Variants in CNTN4 observed in about 807,000 individuals in gnomAD.
CNTN4 encodes the protein contactin 4, also known as contactin-4.
Under a neutral mutation model 122.5 loss-of-function variants are expected in CNTN4, and 77 were observed. The observed-to-expected ratio is 0.63, with a 90% CI of 0.52 to 0.76. CNTN4 has a LOEUF of 0.76. Among genes scored for constraint, CNTN4 ranks in the 30% least tolerant of loss-of-function variants. The probability of loss-of-function intolerance (pLI) is 0.00; values close to 1 mark genes in which losing one functional copy is unlikely to be tolerated. For missense variants in CNTN4, 1,256 were observed against 1,259.1 expected, an observed-to-expected ratio of 1.00 and a Z score of 0.04; for synonymous variants, 512 against 447.0, an observed-to-expected ratio of 1.15 and a Z score of -1.83.
intron 4 of CNTN4, among the ~76,000 whole-genome samples, chr3:2,589,881 G>A (rs1559276479): frequency 6.6e-6 from 1 of 152,180 alleles, no homozygotes; most frequent in African/African-American, 2.4e-5. Flanking sequence ...AGATGATCCA[G>A]AGAGAAAGCA....
chr3:2,834,898 C>CTTTTTTTTTTTTTTCTTT lies in CNTN4; in HGVS notation c.454+15331_454+15332insCTTTTTTTTTTTTTTTTT, dbSNP rs60033461. On this transcript the variant is annotated intron_variant, in intron 7 of 24. Coordinates refer to ENST00000418658, the MANE Select transcript of CNTN4 (RefSeq NM_175607.3). Reference sequence around the variant, plus strand: ...AAGCATTAAATTAGATAAAGGCAACCTTTTTTTTTTTTTTTTTTTTTTTTG... The same window carrying CTTTTTTTTTTTTTTCTTT: ...AAGCATTAAATTAGATAAAGGCAACCTTTTTTTTTTTTTTCTTTTTTTTTTTTTTTTTTTTTTTTTTTG... Among the ~76,000 whole-genome samples, 431 of 60,450 alleles carry CTTTTTTTTTTTTTTCTTT rather than the reference C, an allele frequency of 7.1e-3. 41 individuals are homozygous for CTTTTTTTTTTTTTTCTTT. The highest frequency in any genetic ancestry group is 0.031 in the African/African-American group (406 of 13,258). The allele number at this position is 60,450 out of a possible 152,430, so 39.7% of individuals were successfully genotyped here. A position where few individuals can be genotyped will look rare whatever the true frequency, so the allele number is the denominator to read the frequency against.
chr3:2,405,522 A>T (rs925508435), intron 3 of CNTN4, among the ~76,000 whole-genome samples: 3 of 152,176 alleles, frequency 2.0e-5, no homozygotes, highest in Non-Finnish European at 2.9e-5. Context: ...GAGCAACCCA[A>T]TTAATAACTA....
intron 3 of CNTN4, among the ~76,000 whole-genome samples, chr3:2,435,195 A>T (rs971501667): frequency 7.9e-5 from 12 of 152,110 alleles, no homozygotes; most frequent in African/African-American, 2.9e-4. Flanking sequence ...CTTCTAAAAA[A>T]CTTAAATATA....
chr3:2,359,008 T>G (rs764857543), intron 3 of CNTN4, among the ~76,000 whole-genome samples: 1 of 152,204 alleles, frequency 6.6e-6, no homozygotes, highest in Middle Eastern at 3.2e-3. Context: ...GGTAGATTTA[T>G]AAATATGTCA....
intron 2 of CNTN4, among the ~76,000 whole-genome samples, chr3:2,299,399 G>C (rs895202364): frequency 2.6e-5 from 4 of 152,060 alleles, no homozygotes; most frequent in African/African-American, 9.7e-5. Flanking sequence ...TGAATTTTGA[G>C]ATTGTAGTGG....
intron 2 of CNTN4, among the ~76,000 whole-genome samples, chr3:2,127,874 T>C (rs2034256108): frequency 6.6e-6 from 1 of 152,130 alleles, no homozygotes; most frequent in African/African-American, 2.4e-5. Context: ...AAAAGCAAGC[T>C]CAAAGCTGAG....
chr3:2,533,949 A>G (rs1175697857), intron 3 of CNTN4, among the ~76,000 whole-genome samples: 1 of 140,130 alleles, frequency 7.1e-6, no homozygotes, highest in Non-Finnish European at 1.6e-5. Flanking sequence ...CCACTTTTTG[A>G]TGGTTTTTTT....
intron 7 of CNTN4, among the ~76,000 whole-genome samples, chr3:2,835,147 C>T (rs1236502299): frequency 2.0e-5 from 3 of 151,696 alleles, no homozygotes; most frequent in African/African-American, 7.3e-5. Context: ...TCTCGCGATC[C>T]GCCCGCCTCA....
intron 13 of CNTN4, among the ~76,000 whole-genome samples, chr3:2,987,531 AACAG>A (rs1254278672): frequency 1.3e-5 from 2 of 152,250 alleles, no homozygotes; most frequent in Non-Finnish European, 1.5e-5. Flanking sequence ...AGAGAAATTT[AACAG>A]ACATTTACCT....
chr3:2,231,567 G>A (rs115483388), intron 2 of CNTN4, among the ~76,000 whole-genome samples: 4,642 of 152,196 alleles, frequency 0.031, 107 homozygotes, highest in Non-Finnish European at 0.047. Flanking sequence ...TCCAGTGATT[G>A]GAACAAAATT....
At chr3:2,571,074 T>C (rs2079401202) in intron 3 of CNTN4, among the ~76,000 whole-genome samples, 2 of 152,100 alleles carry the variant, frequency 1.3e-5, no homozygotes, top group African/African-American at 4.8e-5. Flanking sequence ...TTTTAACTAA[T>C]TGGAAAATAA....
At chr3:2,925,829 T>TG (rs762109524) in intron 13 of CNTN4, 50 bp downstream of exon 13, 14 of 1,502,886 alleles carry the variant, frequency 9.3e-6, no homozygotes, top group Non-Finnish European at 1.3e-5. Flanking sequence ...AAAAATGTGT[T>TG]GGTCTGTTAT....
intron 10 of CNTN4, among the ~76,000 whole-genome samples, chr3:2,893,596 G>A (rs1012617399): frequency 7.9e-5 from 12 of 152,106 alleles, no homozygotes; most frequent in South Asian, 4.1e-4. Context: ...CAAACGTTGC[G>A]AATAATAGAG....
In CNTN4 at chr3:2,963,242, A is replaced by T. The variant is rs148040999; in HGVS notation, c.1359-25103A>T. Among the ~76,000 whole-genome samples the T allele has an allele frequency of 5.9e-5, 9 of 152,148 alleles. No individual in the cohort carries two copies. The East Asian group carries it at 1.5e-3, about 26-fold the overall frequency. On this transcript the variant is annotated intron_variant, in intron 13 of 24. Transcript: ENST00000418658. ...TTCTACTTTCTGTTATTGCCTAGTT[A>T]ACACTTCCTTTTCCTTCAGACCTCG...
chr3:2,657,739 G>C (rs2083660014), intron 4 of CNTN4, among the ~76,000 whole-genome samples: 1 of 151,970 alleles, frequency 6.6e-6, no homozygotes, highest in Non-Finnish European at 1.5e-5. Flanking sequence ...GCATATTGCA[G>C]TTACTGTTTT....
At chr3:2,801,285 T>C (rs1260994688) in intron 6 of CNTN4, among the ~76,000 whole-genome samples, 1 of 152,242 alleles carries the variant, frequency 6.6e-6, no homozygotes, top group Non-Finnish European at 1.5e-5. Context: ...TATTTCCATA[T>C]AGAACTTAGT....
intron 4 of CNTN4, among the ~76,000 whole-genome samples, chr3:2,675,715 G>A (rs937455979): frequency 1.3e-5 from 2 of 152,134 alleles, no homozygotes; most frequent in African/African-American, 2.4e-5. Context: ...CAGAGGGAAA[G>A]CATCTAACAG....
chr3:2,558,712 A>G (rs2078823409), intron 3 of CNTN4, among the ~76,000 whole-genome samples: 2 of 152,130 alleles, frequency 1.3e-5, no homozygotes, highest in Admixed American at 1.3e-4. Context: ...AATATGATAT[A>G]CTCACTATAC....
In CNTN4 at chr3:2,100,278, G is replaced by A. The variant is rs569333127; in HGVS notation, c.-226-280G>A. Among the ~76,000 whole-genome samples, 3 of 152,352 alleles carry A rather than the reference G, an allele frequency of 2.0e-5. No individual in the cohort carries two copies. The East Asian group carries it at 5.8e-4, about 29-fold the overall frequency. On this transcript the variant is annotated intron_variant, in intron 1 of 24. Transcript: ENST00000418658. The stretch of plus-strand genomic sequence containing the variant: ...CGGGCACATGTTTGTCAGAATAACA[G>A]TGGCATTTAACTGCATGGGAAGCTC...
Sources: gnomAD v4.1 joint callset for allele counts (sites outside exome capture counted in the v4.1 genomes callset) on GRCh38, gnomAD v4.1.1 for gene constraint, MANE v1.5 for transcripts, NCBI Gene and HGNC (gene_info 2026-07-23, HGNC 2026-07-21) for gene names.